ZNF502: variants seen among roughly 807,000 people sequenced by gnomAD.
The protein encoded by ZNF502 is zinc finger protein 502.
Under a neutral mutation model 43.6 loss-of-function variants are expected in ZNF502, and 29 were observed. That is an observed-to-expected ratio of 0.67 (90% CI 0.50 to 0.91). The LOEUF (loss-of-function observed/expected upper bound fraction) is 0.91. Among genes scored for constraint, ZNF502 ranks in the 40% least tolerant of loss-of-function variants. The pLI is 0.00. For synonymous variants in ZNF502, 171 were observed against 207.4 expected (o/e 0.82, Z 1.51); for missense variants, 591 against 647.2 (o/e 0.91, Z 0.94).
intron 1 of ZNF502, among the ~76,000 whole-genome samples, chr3:44,715,763 A>G (rs371520653): frequency 5.3e-4 from 81 of 152,294 alleles, no homozygotes; most frequent in African/African-American, 1.8e-3. Context: ...TTGGAATGCA[A>G]TGGTGCTATC....
In ZNF502 at chr3:44,721,763, A is replaced by AT; in HGVS notation, c.948dup (p.His317SerfsTer8). On this transcript the variant is annotated frameshift_variant, in exon 3 of 3. Transcript: ENST00000436624. LOFTEE classifies it high-confidence loss of function. Reference sequence around the variant, plus strand: ...CTCAAATCTTACGCAACATCAGAGAATTCACACTGGGGAAAAACCCCATAA... The same window carrying AT: ...CTCAAATCTTACGCAACATCAGAGAATTTCACACTGGGGAAAAACCCCATAA... 1.2e-6 allele frequency: 2 copies of AT among 1,613,640 alleles called. No homozygotes were observed. The highest frequency in any genetic ancestry group is 1.7e-6 in the Non-Finnish European group (2 of 1,179,720).
chr3:44,722,844 T>C lies in ZNF502; in HGVS notation c.*392T>C. Reference sequence around the variant, plus strand: ...TTTTCTTAAACACTGCCTGTCAGTGTGAAGTGGCACAGCTCTGATGTAGTG... The same window carrying C: ...TTTTCTTAAACACTGCCTGTCAGTGCGAAGTGGCACAGCTCTGATGTAGTG... On this transcript the variant is annotated 3_prime_UTR_variant, in exon 3 of 3. Coordinates refer to ENST00000436624, the MANE Select transcript of ZNF502 (RefSeq NM_001134442.3). The C allele has an allele frequency of 5.2e-6, 1 of 193,620 alleles. No homozygotes were observed. Among genetic ancestry groups the C allele is most frequent in the Non-Finnish European group, 1.1e-5 (1 of 92,168 alleles). The allele number at this position is 193,620 out of a possible 1,614,324, so 12.0% of individuals were successfully genotyped here. A position where few individuals can be genotyped will look rare whatever the true frequency, so the allele number is the denominator to read the frequency against.
At chr3:44,720,166 TTCCC>T in intron 1 of ZNF502, 33 bp from the exon 2 acceptor site, 6 of 1,337,684 alleles carry the variant, frequency 4.5e-6, no homozygotes, top group African/African-American at 1.4e-5. Flanking sequence ...GACAGTAATA[TTCCC>T]TCCCTCCCTG....
intron 1 of ZNF502, 78 bp from the exon 2 acceptor site, chr3:44,720,125 A>T: frequency 1.1e-6 from 1 of 887,210 alleles, no homozygotes; most frequent in Non-Finnish European, 1.9e-6. Context: ...GTCCCTAGGC[A>T]ACAGCTCTTT....
At position 44,722,452 on chromosome 3, in the gene ZNF502, ATGC is replaced by A; in HGVS notation, c.*4_*6del. ...ATCAGAAACTTCACAGTGGTGACTA[ATGC>A]TGCCATTTAGGTTATGACAGTTTCT... On this transcript the variant is annotated 3_prime_UTR_variant, in exon 3 of 3. Coordinates refer to ENST00000436624, the MANE Select transcript of ZNF502 (RefSeq NM_001134442.3). The A allele has an allele frequency of 6.2e-7, 1 of 1,606,498 alleles. No homozygotes were observed. The highest frequency in any genetic ancestry group is 8.5e-7 in the Non-Finnish European group (1 of 1,176,608).
Position 44,722,096 on chromosome 3 carries a change from A to G in ZNF502, c.1279A>G (p.Arg427Gly), listed in dbSNP as rs1704368817. 2.5e-6 allele frequency: 4 copies of G among 1,614,212 alleles called. No individual in the cohort carries two copies. Among genetic ancestry groups the G allele is most frequent in the East Asian group, 2.2e-5 (1 of 44,880 alleles). Reference protein sequence around the residue: ...IQSICLIRHQRSHTGEKPYKC... With the variant: ...IQSICLIRHQGSHTGEKPYKC... ...GAGCATTTGCCTTATTCGGCACCAGAGAAGTCACACTGGAGAAAAACCCTA... is the reference window on the plus strand; with the variant it reads ...GAGCATTTGCCTTATTCGGCACCAGGGAAGTCACACTGGAGAAAAACCCTA... Residue 427 changes from arginine (R) to glycine (G), a missense_variant, in exon 3 of 3, where the codon AGA (arginine) becomes GGA (glycine). Transcript: ENST00000436624.
chr3:44,713,655 A>G (rs1414449443), intron 1 of ZNF502, among the ~76,000 whole-genome samples: 24 of 151,706 alleles, frequency 1.6e-4, no homozygotes, highest in Non-Finnish European at 3.5e-4. Context: ...ATCTGGGCTC[A>G]CCACAACCTC....
In ZNF502 at chr3:44,722,144, G is replaced by A. The variant is rs1704371515; in HGVS notation, c.1327G>A (p.Gly443Ser). ...CTATAAATGCAATGAATGTGGAAAG[G>A]GCTTTAATCAGAACACCTGCCTCAC... ...KPYKCNECGK[G>S]FNQNTCLTQH... Residue 443 changes from glycine (G) to serine (S), a missense_variant, in exon 3 of 3, where the codon GGC becomes AGC. By Grantham distance (56) the Gly-to-Ser change is moderately conservative (BLOSUM62 0). Coordinates refer to ENST00000436624, the MANE Select transcript of ZNF502 (RefSeq NM_001134442.3). 3 of 1,614,008 alleles carry A rather than the reference G, an allele frequency of 1.9e-6. No individual in the cohort carries two copies. The highest frequency in any genetic ancestry group is 3.3e-5 in the Admixed American group (2 of 60,006).
intron 1 of ZNF502, among the ~76,000 whole-genome samples, chr3:44,715,847 C>G (rs1704129755): frequency 6.6e-6 from 1 of 152,222 alleles, no homozygotes; most frequent in African/African-American, 2.4e-5. Flanking sequence ...GCTGAAACCA[C>G]AAGCACGACA....
intron 1 of ZNF502, among the ~76,000 whole-genome samples, chr3:44,714,131 C>A (rs1409793018): frequency 2.6e-5 from 4 of 152,086 alleles, no homozygotes; most frequent in African/African-American, 9.7e-5. Context: ...ATTCTTTTAG[C>A]TAATTATTGA....
chr3:44,722,369 C>G lies in ZNF502; in HGVS notation c.1552C>G (p.Pro518Ala), dbSNP rs148734812. The G allele has an allele frequency of 3.1e-6, 5 of 1,614,218 alleles. No individual in the cohort carries two copies. In the South Asian group the frequency reaches 3.3e-5, roughly 11 times the overall value. ...EHYRIHTGEK[P>A]YECIECGKFF... Reference sequence around the variant, plus strand: ...TTACAGAATTCACACTGGTGAGAAGCCTTATGAGTGTATTGAGTGTGGAAA... The same window carrying G: ...TTACAGAATTCACACTGGTGAGAAGGCTTATGAGTGTATTGAGTGTGGAAA... Residue 518 changes from proline to alanine, a missense_variant, in exon 3 of 3, where the codon CCT becomes GCT. Transcript: ENST00000436624.
At position 44,721,905 on chromosome 3, in the gene ZNF502, G is replaced by C; in HGVS notation, c.1088G>C (p.Ser363Thr). The part of the protein sequence containing the change: ...CKECGKAFCQ[S>T]PSLIKHQRIH... ...GAATGTGGCAAAGCCTTTTGTCAGA[G>C]CCCATCTCTTATTAAACACCAGCGA... Residue 363 changes from serine to threonine, a missense_variant, in exon 3 of 3, where the codon AGC becomes ACC. Ser to Thr is a moderately conservative substitution (Grantham distance 58). Coordinates refer to ENST00000436624, the MANE Select transcript of ZNF502 (RefSeq NM_001134442.3). 6.2e-7 allele frequency: 1 copy of C among 1,614,066 alleles called. No individual in the cohort carries two copies. The highest frequency in any genetic ancestry group is 1.1e-5 in the South Asian group (1 of 91,074).
At chr3:44,717,747 C>T (rs1704188182) in intron 1 of ZNF502, among the ~76,000 whole-genome samples, 1 of 152,130 alleles carries the variant, frequency 6.6e-6, no homozygotes, top group South Asian at 2.1e-4. Flanking sequence ...CAGCCTCGAA[C>T]TCCTGGACTC....
intron 1 of ZNF502, among the ~76,000 whole-genome samples, chr3:44,717,620 A>G (rs1704183195): frequency 6.6e-6 from 1 of 152,042 alleles, no homozygotes; most frequent in Non-Finnish European, 1.5e-5. Context: ...CATGTTGGTC[A>G]GGCTGGTCTC....
chr3:44,716,231 A>G (rs1184748675), intron 1 of ZNF502, among the ~76,000 whole-genome samples: 2 of 148,104 alleles, frequency 1.4e-5, no homozygotes, highest in Non-Finnish European at 3.0e-5. Context: ...CTTGTCGCCC[A>G]AGCTGGAGTG....
rs143080134 is a variant in ZNF502, at chr3:44,722,199, A to G, written c.1382A>G (p.Lys461Arg). ...CATATGAGAATTCATACTGGAGAGA[A>G]GCCCTATAAATGTAAAGAATGTGGG... ...TQHMRIHTGE[K>R]PYKCKECGKA... is the part of the protein sequence containing the mutation. The change falls in exon 3 of 3, where the codon AAG (lysine) becomes AGG (arginine). Residue 461 changes from lysine (K) to arginine (R), a missense_variant. By Grantham distance (26) the Lys-to-Arg change is conservative. Coordinates refer to ENST00000436624, the MANE Select transcript of ZNF502 (RefSeq NM_001134442.3). The G allele has an allele frequency of 1.4e-4, 223 of 1,614,064 alleles. No individual in the cohort carries two copies. Among genetic ancestry groups the G allele is most frequent in the Middle Eastern group, 1.6e-4 (1 of 6,084 alleles).
At chr3:44,715,453 T>C (rs1301171859) in intron 1 of ZNF502, among the ~76,000 whole-genome samples, 1 of 152,212 alleles carries the variant, frequency 6.6e-6, no homozygotes, top group Non-Finnish European at 1.5e-5. Context: ...TTTTCTTTGA[T>C]TACAGAAGTT....
At chr3:44,717,474 C>T (rs951609494) in intron 1 of ZNF502, among the ~76,000 whole-genome samples, 12 of 143,126 alleles carry the variant, frequency 8.4e-5, no homozygotes, top group Admixed American at 1.5e-4. Flanking sequence ...TGCAATGACA[C>T]GATCCATCCT....
rs78143519 is a variant in ZNF502, at chr3:44,723,021, T to C, written c.*569T>C. On this transcript the variant is annotated 3_prime_UTR_variant, in exon 3 of 3. Transcript: ENST00000436624. ...AATCCATATCCATTCATTAAAAAAA[T>C]GAGATATAAAGCAACAACTGGGCTG... is the stretch of plus-strand genomic sequence containing the variant. The C allele has an allele frequency of 1.5e-5, 2 of 134,440 alleles. No individual in the cohort carries two copies. Among genetic ancestry groups the C allele is most frequent in the African/African-American group, 5.5e-5 (2 of 36,390 alleles). The allele number at this position is 134,440 out of a possible 1,614,324, so 8.3% of individuals were successfully genotyped here. A position where few individuals can be genotyped will look rare whatever the true frequency, so the allele number is the denominator to read the frequency against.
Sources: allele counts gnomAD v4.1 joint callset (sites outside exome capture counted in the v4.1 genomes callset), GRCh38; gene constraint gnomAD v4.1.1; transcripts MANE v1.5; gene names NCBI Gene and HGNC (gene_info 2026-07-23, HGNC 2026-07-21).